NSMCE1: variants seen among roughly 807,000 people sequenced by gnomAD.
NSMCE1 encodes the protein NSE1 component of SMC5/6 complex, also known as non-structural maintenance of chromosomes element 1 homolog.
A neutral mutation model predicts 29.6 loss-of-function variants in NSMCE1; 18 were observed. The observed-to-expected ratio is 0.61, with a 90% CI of 0.42 to 0.90. NSMCE1 has a LOEUF of 0.90. Ranked by LOEUF, NSMCE1 falls within the 40% of genes least tolerant of loss-of-function variation. NSMCE1 has a pLI of 0.00. For synonymous variants in NSMCE1, 124 were observed against 133.4 expected (o/e 0.93, Z 0.49); for missense variants, 314 against 343.6 (o/e 0.91, Z 0.68).
At chr16:27,268,154 G>A (rs2084248640) in intron 1 of NSMCE1, 1 of 152,078 alleles carries the variant, frequency 6.6e-6, no homozygotes, top group Non-Finnish European at 1.5e-5. Context: ...TAGAACATAG[G>A]GACTTTACCT....
At chr16:27,267,134 A>G (rs1329671563) in intron 1 of NSMCE1, among the ~76,000 whole-genome samples, 1 of 152,174 alleles carries the variant, frequency 6.6e-6, no homozygotes, top group Non-Finnish European at 1.5e-5. Flanking sequence ...AAGGCTTTTG[A>G]AGCATTATAT....
At chr16:27,253,440 C>A (rs989749879) in intron 2 of NSMCE1, among the ~76,000 whole-genome samples, 1 of 152,188 alleles carries the variant, frequency 6.6e-6, no homozygotes, top group Admixed American at 6.5e-5. Flanking sequence ...AAAAGAAACC[C>A]TCATTGCCCA....
intron 2 of NSMCE1, among the ~76,000 whole-genome samples, chr16:27,251,175 T>TATATATATAAATATATATAA (rs1567281168): frequency 1.8e-4 from 9 of 51,400 alleles, no homozygotes; most frequent in Non-Finnish European, 2.8e-4. Flanking sequence ...TATATATATA[T>TATATATATAAATATATATAA]ATATATATAT....
intron 2 of NSMCE1, among the ~76,000 whole-genome samples, chr16:27,257,164 C>T (rs1201690066): frequency 6.6e-6 from 1 of 152,138 alleles, no homozygotes. Flanking sequence ...GAAACTGAGG[C>T]TGGGGCAGGT....
intron 2 of NSMCE1, among the ~76,000 whole-genome samples, chr16:27,256,277 T>C (rs2084085895): frequency 6.6e-6 from 1 of 152,236 alleles, no homozygotes; most frequent in Non-Finnish European, 1.5e-5. Context: ...ACCAGTAGAC[T>C]ACACTAATTA....
Position 27,232,986 on chromosome 16 carries a change from A to T in NSMCE1, c.483+15T>A, listed in dbSNP as rs550532737. 1 of 1,605,616 alleles carries T rather than the reference A, an allele frequency of 6.2e-7. No homozygotes were observed. The highest frequency in any genetic ancestry group is 1.7e-5 in the Admixed American group (1 of 57,338). On this transcript the variant is annotated intron_variant, in intron 5 of 7. Coordinates refer to ENST00000361439, the MANE Select transcript of NSMCE1 (RefSeq NM_145080.4). This position sits in a 1 kb window ranked among gnomAD's most constrained non-coding sequence, Gnocchi z 4.5. ...TGAAAAAGTGAACCAGGCTGGAAAAACCATGAGACAGTACCTCAATCAGCC... is the reference window on the plus strand; with the variant it reads ...TGAAAAAGTGAACCAGGCTGGAAAATCCATGAGACAGTACCTCAATCAGCC...
chr16:27,245,799 C>T (rs146394420), intron 2 of NSMCE1, among the ~76,000 whole-genome samples: 106 of 152,240 alleles, frequency 7.0e-4, no homozygotes, highest in African/African-American at 2.4e-3. Flanking sequence ...AAAGGCAGAC[C>T]GGCTCTGACA....
At chr16:27,247,209 G>A (rs1278409103) in intron 2 of NSMCE1, among the ~76,000 whole-genome samples, 1 of 152,140 alleles carries the variant, frequency 6.6e-6, no homozygotes, top group African/African-American at 2.4e-5. Flanking sequence ...CTGGTGGGAG[G>A]GAATTGAATC....
At chr16:27,245,742 G>A (rs1438695122) in intron 2 of NSMCE1, among the ~76,000 whole-genome samples, 3 of 151,944 alleles carry the variant, frequency 2.0e-5, no homozygotes, top group Non-Finnish European at 4.4e-5. Flanking sequence ...CTCATTTTTT[G>A]CCACTTTTCA....
Position 27,234,180 on chromosome 16 carries a change from C to G in NSMCE1, c.336+8G>C, listed in dbSNP as rs751026327. The G allele has an allele frequency of 6.3e-7, 1 of 1,596,862 alleles. No individual in the cohort carries two copies. The highest frequency in any genetic ancestry group is 1.1e-5 in the South Asian group (1 of 90,762). On this transcript the variant is annotated splice_region_variant and intron_variant, in intron 4 of 7. Transcript: ENST00000361439. ...CACCCAATGGGCAATGGGGATTACT[C>G]TACTTACAGCCTTTCTAAACAAATC...
At chr16:27,241,790 G>C (rs567694281) in intron 2 of NSMCE1, 7 of 445,364 alleles carry the variant, frequency 1.6e-5, no homozygotes, top group Non-Finnish European at 3.2e-5. Context: ...CTGCAGCGCC[G>C]CTCCTCACCT....
At chr16:27,233,197 A>C in intron 4 of NSMCE1, 50 bp from the exon 5 acceptor site, 1 of 1,565,574 alleles carries the variant, frequency 6.4e-7, no homozygotes, top group Non-Finnish European at 8.7e-7. Context: ...GGCAAAAATA[A>C]CTTTTAAATG....
At position 27,233,392 on chromosome 16, in the gene NSMCE1, C is replaced by A. The variant is rs183128649; in HGVS notation, c.337-245G>T. ...ATAAATCATCTTAATGTCCCCAAAT[C>A]AAAGAGGGTCGCCTTGCCTCACGGC... is the stretch of plus-strand genomic sequence containing the variant. On this transcript the variant is annotated intron_variant, in intron 4 of 7. Transcript: ENST00000361439. 2.6e-5 allele frequency among the ~76,000 whole-genome samples: 4 copies of A among 152,342 alleles called. No individual in the cohort carries two copies. The East Asian group carries it at 7.7e-4, about 29-fold the overall frequency.
chr16:27,233,799 G>A (rs950060346), intron 4 of NSMCE1, among the ~76,000 whole-genome samples: 4 of 152,306 alleles, frequency 2.6e-5, no homozygotes, highest in East Asian at 3.9e-4. Context: ...ATGCAGATTC[G>A]GACTCAGCAG....
chr16:27,259,182 C>T (rs545303904), intron 1 of NSMCE1, among the ~76,000 whole-genome samples: 8 of 152,254 alleles, frequency 5.3e-5, no homozygotes, highest in South Asian at 2.1e-4. Flanking sequence ...ACAAAGCCTA[C>T]GTTAGACTCA....
intron 1 of NSMCE1, among the ~76,000 whole-genome samples, chr16:27,263,344 C>T (rs900286223): frequency 1.3e-5 from 2 of 152,148 alleles, no homozygotes; most frequent in Middle Eastern, 3.2e-3. Flanking sequence ...ACCTATACAC[C>T]GTGGAACACT....
chr16:27,237,580 GGAGT>G (rs2083839847), intron 2 of NSMCE1, among the ~76,000 whole-genome samples: 1 of 152,178 alleles, frequency 6.6e-6, no homozygotes, highest in Non-Finnish European at 1.5e-5. Flanking sequence ...CGTTCAGTGC[GGAGT>G]GAGTGACAGG....
Position 27,225,778 on chromosome 16 carries a change from A to G in NSMCE1, c.669T>C (p.Asn223=), listed in dbSNP as rs776387597. The change falls in exon 7 of 8, where the codon AAT becomes AAC. Residue 223 remains asparagine (N), a synonymous_variant. Transcript: ENST00000361439. ...LPCVAKYFQS[N]AEPRCPHCND... Reference sequence around the variant, plus strand: ...TGCAGTGGGGGCAGCGCGGTTCAGCATTCGACTGGAAGTACTTGGCCACGC... The same window carrying G: ...TGCAGTGGGGGCAGCGCGGTTCAGCGTTCGACTGGAAGTACTTGGCCACGC... 1.9e-6 allele frequency: 3 copies of G among 1,614,060 alleles called. No homozygotes were observed. The highest frequency in any genetic ancestry group is 2.7e-5 in the African/African-American group (2 of 74,940).
At chr16:27,236,232 C>A (rs1336440149) in intron 2 of NSMCE1, among the ~76,000 whole-genome samples, 1 of 151,642 alleles carries the variant, frequency 6.6e-6, no homozygotes, top group African/African-American at 2.4e-5. Flanking sequence ...CAGGAAGCCT[C>A]TGAGCACTGG....
Sources: allele counts gnomAD v4.1 joint callset (sites outside exome capture counted in the v4.1 genomes callset), GRCh38; gene constraint gnomAD v4.1.1; non-coding constraint Gnocchi (gnomAD v3.1); transcripts MANE v1.5; gene names NCBI Gene and HGNC (gene_info 2026-07-23, HGNC 2026-07-21).